EEF1AKMT1: variants seen among roughly 807,000 people sequenced by gnomAD.
The protein encoded by EEF1AKMT1 is EEF1A lysine methyltransferase 1, also known as N-6 adenine-specific DNA methyltransferase 2 (putative).
Under a neutral mutation model 21.0 loss-of-function variants are expected in EEF1AKMT1, and 18 were observed. The ratio of observed to expected loss-of-function variants is 0.86; its 90% CI spans 0.59 to 1.27. EEF1AKMT1 has a LOEUF of 1.27. EEF1AKMT1 is among the 50% of genes most tolerant of loss of function. The probability of loss-of-function intolerance (pLI) is 0.00; values close to 1 mark genes in which losing one functional copy is unlikely to be tolerated. For missense variants in EEF1AKMT1, 246 were observed against 258.6 expected, an observed-to-expected ratio of 0.95 and a Z score of 0.33; for synonymous variants, 109 against 94.8, an observed-to-expected ratio of 1.15 and a Z score of -0.87.
chr13:20,736,602 G>A (rs890772920), intron 3 of EEF1AKMT1, among the ~76,000 whole-genome samples: 2 of 152,014 alleles, frequency 1.3e-5, no homozygotes, highest in East Asian at 3.9e-4. Context: ...GCAGAGCCCT[G>A]GGAATAGGGT....
At chr13:20,762,780 C>A (rs1009522944) in intron 1 of EEF1AKMT1, among the ~76,000 whole-genome samples, 1 of 152,180 alleles carries the variant, frequency 6.6e-6, no homozygotes, top group Admixed American at 6.5e-5. Context: ...TCCGAAAGTG[C>A]TGGGATTACA....
intron 2 of EEF1AKMT1, among the ~76,000 whole-genome samples, chr13:20,738,955 A>C (rs199573678): frequency 1.3e-5 from 2 of 152,224 alleles, no homozygotes; most frequent in Non-Finnish European, 2.9e-5. Flanking sequence ...TGACTTCAAG[A>C]ATGAAGCTGT....
At chr13:20,735,857 C>T (rs1362099688) in intron 3 of EEF1AKMT1, among the ~76,000 whole-genome samples, 1 of 151,526 alleles carries the variant, frequency 6.6e-6, no homozygotes, top group Non-Finnish European at 1.5e-5. Context: ...TACTCAAAGA[C>T]CAAAAAAAGA....
rs549576389 is a variant in EEF1AKMT1, at chr13:20,739,115, G to A, written c.145-1310C>T. Among the ~76,000 whole-genome samples, 41 of 152,210 alleles carry A rather than the reference G, an allele frequency of 2.7e-4. No individual in the cohort carries two copies. The East Asian group carries it at 3.1e-3, about 11-fold the overall frequency. On this transcript the variant is annotated intron_variant, in intron 2 of 4. Transcript: ENST00000382758. Reference sequence around the variant, plus strand: ...TGAAGCTGCAGACCTTCGCCAAGAGGATTACAACTCCTAAGATGGCACATC... The same window carrying A: ...TGAAGCTGCAGACCTTCGCCAAGAGAATTACAACTCCTAAGATGGCACATC...
intron 1 of EEF1AKMT1, among the ~76,000 whole-genome samples, chr13:20,765,730 C>A (rs2059027253): frequency 6.6e-6 from 1 of 151,398 alleles, no homozygotes; most frequent in African/African-American, 2.4e-5. Context: ...GGTTTTAATT[C>A]TTGTTTCCTT....
chr13:20,756,466 C>T (rs780237894), intron 2 of EEF1AKMT1, among the ~76,000 whole-genome samples: 2 of 152,148 alleles, frequency 1.3e-5, no homozygotes, highest in African/African-American at 4.8e-5. Flanking sequence ...CCCCAATTTC[C>T]GGCAATGATA....
In EEF1AKMT1 at chr13:20,757,443, G is replaced by T; in HGVS notation, c.144+12C>A. 2 of 1,613,630 alleles carry T rather than the reference G, an allele frequency of 1.2e-6. No individual in the cohort carries two copies. The highest frequency in any genetic ancestry group is 1.7e-6 in the Non-Finnish European group (2 of 1,179,642). ...CAATACTTCCTGATGGCTGTGAAAT[G>T]CATTTACTTACCCAATTCTCTTCTA... On this transcript the variant is annotated intron_variant, in intron 2 of 4. Transcript: ENST00000382758.
At chr13:20,758,662 TA>T (rs1299150295) in intron 1 of EEF1AKMT1, among the ~76,000 whole-genome samples, 2 of 151,954 alleles carry the variant, frequency 1.3e-5, no homozygotes, top group Admixed American at 6.6e-5. Flanking sequence ...TTCACAGAAT[TA>T]AAAAAAATTC....
intron 2 of EEF1AKMT1, among the ~76,000 whole-genome samples, chr13:20,738,740 T>C (rs2058843922): frequency 6.6e-6 from 1 of 152,250 alleles, no homozygotes; most frequent in Non-Finnish European, 1.5e-5. Flanking sequence ...AAAGGCCACA[T>C]ACTGTGTAAT....
rs141855039 is a variant in EEF1AKMT1 at position 20,748,643 on chromosome 13, T to C, written c.144+8812A>G. 1.5e-4 allele frequency among the ~76,000 whole-genome samples: 23 copies of C among 152,052 alleles called. No individual in the cohort carries two copies. In the East Asian group the frequency reaches 3.7e-3, roughly 24 times the overall value. ...TCCACCTATATATACTATGGATTTA[T>C]TATGATAGATGAGGATTTTTGCTCT... On this transcript the variant is annotated intron_variant, in intron 2 of 4. Transcript: ENST00000382758.
intron 3 of EEF1AKMT1, 109 bp downstream of exon 3, chr13:20,737,614 C>G: frequency 1.1e-6 from 1 of 924,904 alleles, no homozygotes; most frequent in Admixed American, 2.3e-5. Context: ...AAACCATGAT[C>G]TACAATATTT....
At chr13:20,738,437 T>A (rs911326012) in intron 2 of EEF1AKMT1, among the ~76,000 whole-genome samples, 10 of 152,214 alleles carry the variant, frequency 6.6e-5, no homozygotes, top group African/African-American at 2.2e-4. Context: ...ATGGAAGAAG[T>A]AGCATGGTTT....
chr13:20,771,542 A>G (rs565114132), intron 1 of EEF1AKMT1, among the ~76,000 whole-genome samples: 3 of 152,314 alleles, frequency 2.0e-5, no homozygotes. Flanking sequence ...CTAAAACAAT[A>G]CATATGAAAT....
intron 1 of EEF1AKMT1, among the ~76,000 whole-genome samples, chr13:20,767,947 C>T (rs189714396): frequency 7.4e-4 from 113 of 152,352 alleles, no homozygotes; most frequent in African/African-American, 2.5e-3. Flanking sequence ...TCACCACAGA[C>T]ATTTCATCTC....
At chr13:20,731,238 C>T (rs2058793790) in intron 4 of EEF1AKMT1, among the ~76,000 whole-genome samples, 1 of 152,204 alleles carries the variant, frequency 6.6e-6, no homozygotes, top group Admixed American at 6.5e-5. Context: ...TCTAGAACTC[C>T]TTGCCTCAAG....
At chr13:20,771,131 C>T (rs1304729053) in intron 1 of EEF1AKMT1, among the ~76,000 whole-genome samples, 7 of 152,294 alleles carry the variant, frequency 4.6e-5, no homozygotes, top group Admixed American at 2.0e-4. Context: ...CTTGTTCTCC[C>T]AAAGTGCTAA....
intron 2 of EEF1AKMT1, among the ~76,000 whole-genome samples, chr13:20,742,278 G>T (rs1417074587): frequency 1.3e-5 from 2 of 151,364 alleles, no homozygotes; most frequent in African/African-American, 2.4e-5. Flanking sequence ...TTTGTCAATT[G>T]TTGCTAGCAT....
At chr13:20,730,586 C>T (rs1334269419) in intron 4 of EEF1AKMT1, among the ~76,000 whole-genome samples, 4 of 152,150 alleles carry the variant, frequency 2.6e-5, no homozygotes, top group Non-Finnish European at 5.9e-5. Context: ...ACTGTAGTCT[C>T]GACCTTCAGA....
intron 1 of EEF1AKMT1, among the ~76,000 whole-genome samples, chr13:20,765,221 C>G (rs943012748): frequency 6.6e-6 from 1 of 151,898 alleles, no homozygotes; most frequent in African/African-American, 2.4e-5. Context: ...GATCGTGCCA[C>G]TGCACTCCAG....
Sources: gnomAD v4.1 joint callset for allele counts (sites outside exome capture counted in the v4.1 genomes callset) on GRCh38, gnomAD v4.1.1 for gene constraint, MANE v1.5 for transcripts, NCBI Gene and HGNC (gene_info 2026-07-23, HGNC 2026-07-21) for gene names.